SDCCAG8: variants seen among roughly 807,000 people sequenced by gnomAD.
The protein encoded by SDCCAG8 is serologically defined colon cancer antigen 8.
A neutral mutation model predicts 101.8 loss-of-function variants in SDCCAG8; 74 were observed. The observed-to-expected ratio is 0.73, with a 90% CI of 0.60 to 0.88. The LOEUF is 0.88. SDCCAG8 is among the 40% of genes least tolerant of loss of function. The probability of loss-of-function intolerance (pLI) is 0.00; values close to 1 mark genes in which losing one functional copy is unlikely to be tolerated. For missense variants in SDCCAG8, 787 were observed against 822.6 expected (o/e 0.96, Z 0.53); for synonymous variants, 281 against 292.9 (o/e 0.96, Z 0.41).
chr1:243,481,027 T>C (rs1176428144), intron 16 of SDCCAG8, among the ~76,000 whole-genome samples: 1 of 151,690 alleles, frequency 6.6e-6, no homozygotes, highest in Non-Finnish European at 1.5e-5. Flanking sequence ...AGAGGAGCAT[T>C]AGAAGGTGAC....
chr1:243,296,104 G>A (rs2070850274), intron 6 of SDCCAG8, among the ~76,000 whole-genome samples: 1 of 151,682 alleles, frequency 6.6e-6, no homozygotes, highest in African/African-American at 2.4e-5. Flanking sequence ...CAAGCAATTC[G>A]CCTGCCTCAG....
chr1:243,334,880 G>A (rs983624270), intron 10 of SDCCAG8, among the ~76,000 whole-genome samples: 7 of 152,226 alleles, frequency 4.6e-5, no homozygotes, highest in Admixed American at 3.9e-4. Flanking sequence ...GAGCCACTGC[G>A]CGTGGCCCAG....
chr1:243,418,764 T>C (rs2080782608), intron 15 of SDCCAG8, among the ~76,000 whole-genome samples: 1 of 152,202 alleles, frequency 6.6e-6, no homozygotes, highest in Non-Finnish European at 1.5e-5. Flanking sequence ...ACAAATGTAT[T>C]TGACCTACTT....
intron 16 of SDCCAG8, among the ~76,000 whole-genome samples, chr1:243,444,132 G>A (rs753458957): frequency 2.6e-5 from 4 of 152,072 alleles, no homozygotes; most frequent in Non-Finnish European, 5.9e-5. Context: ...AGCCTAGTTT[G>A]TATAATTTTT....
intron 16 of SDCCAG8, among the ~76,000 whole-genome samples, chr1:243,461,576 A>C (rs1204883818): frequency 1.3e-5 from 2 of 152,142 alleles, no homozygotes; most frequent in East Asian, 3.8e-4. Flanking sequence ...TGCACTGATG[A>C]GAGATGTTTT....
chr1:243,286,240 A>G (rs751500755), intron 4 of SDCCAG8, 32 bp from the exon 5 acceptor site: 12 of 1,606,422 alleles, frequency 7.5e-6, no homozygotes, highest in Non-Finnish European at 1.0e-5. Flanking sequence ...CTGCTTAATA[A>G]TGCTTAATGT....
At chr1:243,289,006 CAAAA>C (rs1169573983) in intron 5 of SDCCAG8, among the ~76,000 whole-genome samples, 1 of 83,688 alleles carries the variant, frequency 1.2e-5, no homozygotes, top group African/African-American at 4.1e-5. Flanking sequence ...GACTCCATCT[CAAAA>C]AAAAAAAAAA....
chr1:243,424,185 C>A (rs956879091), intron 15 of SDCCAG8, among the ~76,000 whole-genome samples: 2 of 151,800 alleles, frequency 1.3e-5, no homozygotes, highest in Admixed American at 1.3e-4. Flanking sequence ...TAAATAATTT[C>A]CTGTTGTTTA....
At chr1:243,344,088 T>G (rs2075551438) in intron 11 of SDCCAG8, 127 bp from the exon 12 acceptor site, 1 of 747,114 alleles carries the variant, frequency 1.3e-6, no homozygotes, top group African/African-American at 1.7e-5. Context: ...TAATAGAAAA[T>G]GGCATTCTTA....
At chr1:243,293,365 A>G (rs1204245996) in intron 6 of SDCCAG8, 146 bp downstream of exon 6, 6 of 823,930 alleles carry the variant, frequency 7.3e-6, no homozygotes, top group Non-Finnish European at 1.2e-5. Flanking sequence ...AAGTACATTC[A>G]TGTCACTCAA....
intron 1 of SDCCAG8, chr1:243,268,007 T>C: frequency 1.3e-6 from 1 of 779,422 alleles, no homozygotes; most frequent in Non-Finnish European, 2.4e-6. Flanking sequence ...GCTGGGATCC[T>C]TCTTTTCTTT....
intron 16 of SDCCAG8, among the ~76,000 whole-genome samples, chr1:243,463,052 G>A (rs1424309699): frequency 1.3e-5 from 2 of 152,214 alleles, no homozygotes; most frequent in Non-Finnish European, 2.9e-5. Flanking sequence ...GCCAATAGGA[G>A]CTTTCAAAAC....
At chr1:243,440,052 C>T (rs972610571) in intron 16 of SDCCAG8, among the ~76,000 whole-genome samples, 2 of 152,078 alleles carry the variant, frequency 1.3e-5, no homozygotes, top group Admixed American at 6.5e-5. Flanking sequence ...ATGCAGTTTC[C>T]GGAGCTTTCT....
intron 8 of SDCCAG8, among the ~76,000 whole-genome samples, chr1:243,313,443 C>T (rs1037815832): frequency 2.0e-5 from 3 of 152,148 alleles, no homozygotes; most frequent in African/African-American, 4.8e-5. Flanking sequence ...CTGATTGCTG[C>T]GCTAAGTTTC....
chr1:243,417,554 T>G (rs2080679409), intron 14 of SDCCAG8, among the ~76,000 whole-genome samples: 2 of 152,196 alleles, frequency 1.3e-5, no homozygotes, highest in South Asian at 4.1e-4. Context: ...AATTACAGTG[T>G]AGAAGAGAAT....
intron 11 of SDCCAG8, among the ~76,000 whole-genome samples, chr1:243,343,038 T>C (rs558714110): frequency 2.8e-4 from 42 of 152,332 alleles, no homozygotes; most frequent in African/African-American, 9.9e-4. Context: ...CACAGTACAC[T>C]GCAGTCCTGA....
At chr1:243,447,832 G>A (rs2083050783) in intron 16 of SDCCAG8, among the ~76,000 whole-genome samples, 1 of 152,146 alleles carries the variant, frequency 6.6e-6, no homozygotes, top group Admixed American at 6.5e-5. Context: ...ACTTTACAAA[G>A]AAGGGTAAGG....
In SDCCAG8 at chr1:243,256,076, C is replaced by A. The variant is rs886046329; in HGVS notation, c.-98C>A. ...CCCCTGTGACAGCCGCGGCAGGAAGCAGGCGGGCGCTCCCCGGCCACAGGC... is the reference window on the plus strand; with the variant it reads ...CCCCTGTGACAGCCGCGGCAGGAAGAAGGCGGGCGCTCCCCGGCCACAGGC... On this transcript the variant is annotated 5_prime_UTR_variant, in exon 1 of 18. Coordinates refer to ENST00000366541, the MANE Select transcript of SDCCAG8 (RefSeq NM_006642.5). The A allele has an allele frequency of 5.3e-6, 6 of 1,125,930 alleles. No homozygotes were observed. Among genetic ancestry groups the A allele is most frequent in the Non-Finnish European group, 8.2e-6 (6 of 735,270 alleles). 69.7% of individuals were successfully genotyped at this position (1,125,930 alleles called of 1,614,324 possible). A position where few individuals can be genotyped will look rare whatever the true frequency, so the allele number is the denominator to read the frequency against.
chr1:243,403,587 A>G (rs1438629935), intron 13 of SDCCAG8, among the ~76,000 whole-genome samples: 3 of 152,164 alleles, frequency 2.0e-5, no homozygotes, highest in African/African-American at 7.2e-5. Flanking sequence ...TACTTAGAGC[A>G]GGAGTTCCCA....
Sources: gnomAD v4.1 joint callset for allele counts (sites outside exome capture counted in the v4.1 genomes callset) on GRCh38, gnomAD v4.1.1 for gene constraint, MANE v1.5 for transcripts, NCBI Gene and HGNC (gene_info 2026-07-23, HGNC 2026-07-21) for gene names.